CFAP20DC: variants seen among roughly 807,000 people sequenced by gnomAD.
CFAP20DC encodes CFAP20 domain containing, also known as protein CFAP20DC.
In CFAP20DC, 84 loss-of-function variants were observed where a neutral mutation model predicts 101.7. The ratio of observed to expected loss-of-function variants is 0.83; its 90% confidence interval spans 0.69 to 0.99. CFAP20DC has a LOEUF of 0.99. Ranked by LOEUF, CFAP20DC falls within the 50% of genes least tolerant of loss-of-function variation. The pLI is 0.00. For synonymous variants in CFAP20DC, 359 were observed against 351.2 expected, an observed-to-expected ratio of 1.02 and a Z score of -0.25; for missense variants, 1,007 against 970.3, an observed-to-expected ratio of 1.04 and a Z score of -0.50.
intron 15 of CFAP20DC, among the ~76,000 whole-genome samples, chr3:58,786,537 G>A (rs2072352834): frequency 6.6e-6 from 1 of 152,014 alleles, no homozygotes; most frequent in African/African-American, 2.4e-5. Context: ...GTCCCTGTCT[G>A]TCTTGTCCCA....
chr3:58,978,617 G>C (rs2092384941), intron 4 of CFAP20DC, among the ~76,000 whole-genome samples: 1 of 151,394 alleles, frequency 6.6e-6, no homozygotes, highest in African/African-American at 2.4e-5. Context: ...GCTGAGGCAT[G>C]AGAATTGCTT....
chr3:58,867,870 CTGT>C lies in CFAP20DC; in HGVS notation c.1079_1081del (p.Asn360del), dbSNP rs775107395. ...GGTACTTTTTAACCGTAATCTTCTT[CTGT>C]TATTATTCTTATCTGCTGATGGTTC... On this transcript the variant is annotated inframe_deletion, in exon 10 of 17. Transcript: ENST00000482387. 3.7e-6 allele frequency: 6 copies of C among 1,613,604 alleles called. 1 individual carries two copies. The South Asian group carries it at 6.6e-5, about 18-fold the overall frequency.
At chr3:58,943,178 G>A (rs1040415626) in intron 4 of CFAP20DC, among the ~76,000 whole-genome samples, 7 of 152,152 alleles carry the variant, frequency 4.6e-5, no homozygotes, top group East Asian at 1.9e-4. Flanking sequence ...CCTGCCTGCC[G>A]GCTCTGAAGA....
chr3:59,007,186 GC>G lies in CFAP20DC; in HGVS notation c.278+32370del, dbSNP rs1349185268. Among the ~76,000 whole-genome samples the G allele has an allele frequency of 6.6e-6, 1 of 152,062 alleles. No homozygotes were observed. The highest frequency in any genetic ancestry group is 2.4e-5 in the African/African-American group (1 of 41,388). ...AACTCCCCAACAGTGGCTGTGGCAA[GC>G]CCCGCCCCAGGAGAGTCTGAGCTCA... On this transcript the variant is annotated intron_variant, in intron 4 of 16. Coordinates refer to ENST00000482387, the MANE Select transcript of CFAP20DC (RefSeq NM_001394063.1). This position sits in a 1 kb window ranked among gnomAD's most constrained non-coding sequence, Gnocchi z 4.4.
At position 58,864,122 on chromosome 3, in the gene CFAP20DC, C is replaced by A. The variant is rs1056034335; in HGVS notation, c.1259-230G>T. Among the ~76,000 whole-genome samples, 1 of 152,056 alleles carries A rather than the reference C, an allele frequency of 6.6e-6. No homozygotes were observed. Among genetic ancestry groups the A allele is most frequent in the African/African-American group, 2.4e-5 (1 of 41,384 alleles). On this transcript the variant is annotated intron_variant, in intron 11 of 16. Coordinates refer to ENST00000482387, the MANE Select transcript of CFAP20DC (RefSeq NM_001394063.1). This position sits in a 1 kb window ranked among gnomAD's most constrained non-coding sequence, Gnocchi z 4.7. The stretch of plus-strand genomic sequence containing the variant: ...TACAGGTGCACGCCATCATGCCCGG[C>A]TAATTTTTGTATTTTTAGTAGAGAT...
In CFAP20DC at chr3:58,863,601, G is replaced by A. The variant is rs1353174252; in HGVS notation, c.1550C>T (p.Thr517Ile). The change falls in exon 12 of 17, where the codon ACC (threonine) becomes ATC (isoleucine). Residue 517 changes from threonine to isoleucine, a missense_variant. Coordinates refer to ENST00000482387, the MANE Select transcript of CFAP20DC (RefSeq NM_001394063.1). This position sits in a 1 kb window ranked among gnomAD's most constrained non-coding sequence, Gnocchi z 5.9. Reference sequence around the variant, plus strand: ...GCCGTAAAAATCATCCTCTGATTGGGTGTCTCTGCTTGTCACACTGTTATC... The same window carrying A: ...GCCGTAAAAATCATCCTCTGATTGGATGTCTCTGCTTGTCACACTGTTATC... ...KEDNSVTSRD[T>I]QSEDDFYGGD... is the part of the protein sequence containing the mutation. 1 of 1,614,126 alleles carries A rather than the reference G, an allele frequency of 6.2e-7. No individual in the cohort carries two copies. Among genetic ancestry groups the A allele is most frequent in the Non-Finnish European group, 8.5e-7 (1 of 1,180,014 alleles).
At chr3:58,821,499 C>T (rs1412800815) in intron 14 of CFAP20DC, among the ~76,000 whole-genome samples, 1 of 152,006 alleles carries the variant, frequency 6.6e-6, no homozygotes, top group Admixed American at 6.5e-5. Flanking sequence ...TGAACAGACA[C>T]TTCTCAAAAG....
intron 3 of CFAP20DC, among the ~76,000 whole-genome samples, chr3:59,045,383 T>A (rs1044542030): frequency 4.0e-5 from 6 of 151,894 alleles, no homozygotes; most frequent in African/African-American, 1.5e-4. Context: ...AAATGATGAA[T>A]GTAAAAAAAA....
intron 4 of CFAP20DC, among the ~76,000 whole-genome samples, chr3:58,969,366 G>A (rs1371547465): frequency 2.0e-5 from 3 of 152,296 alleles, no homozygotes; most frequent in East Asian, 3.9e-4. Flanking sequence ...GTGGAGAAAT[G>A]AGAATCCTCA....
Position 58,912,852 on chromosome 3 carries a change from G to A in CFAP20DC, c.550+856C>T, listed in dbSNP as rs992757337. The A allele has an allele frequency of 1.7e-5, 7 of 413,638 alleles. No homozygotes were observed. The highest frequency in any genetic ancestry group is 1.4e-4 in the Admixed American group (5 of 34,982). The allele number at this position is 413,638 out of a possible 1,614,324, so 25.6% of individuals were successfully genotyped here. ...TCTTTCCATTTTAACTTGATCACTA[G>A]AAAATTAATATGATTTCTCCCAAAT... On this transcript the variant is annotated intron_variant, in intron 6 of 16. Transcript: ENST00000482387. This position sits in a 1 kb window ranked among gnomAD's most constrained non-coding sequence, Gnocchi z 4.4.
rs1025230385 is a variant in CFAP20DC, at chr3:58,724,807, A to G, written c.198-7179T>C. On this transcript the variant is annotated intron_variant, in intron 3 of 3. Transcript: ENST00000486145. The surrounding 1 kb of genome is among the most constrained non-coding windows in gnomAD (Gnocchi z 5.6). ...GTCGCCACCGGACTTCGGGTACCCT[A>G]CGGGTGGGTGGTGTTGAGGCTGGTC... Among the ~76,000 whole-genome samples, 10 of 151,962 alleles carry G rather than the reference A, an allele frequency of 6.6e-5. No individual in the cohort carries two copies. Among genetic ancestry groups the G allele is most frequent in the Admixed American group, 3.3e-4 (5 of 15,246 alleles).
At position 58,892,429 on chromosome 3, in the gene CFAP20DC, T is replaced by C. The variant is rs2082327064; in HGVS notation, c.551-7720A>G. Among the ~76,000 whole-genome samples the C allele has an allele frequency of 6.6e-6, 1 of 152,232 alleles. No individual in the cohort carries two copies. Among genetic ancestry groups the C allele is most frequent in the Admixed American group, 6.5e-5 (1 of 15,288 alleles). On this transcript the variant is annotated intron_variant, in intron 6 of 16. Transcript: ENST00000482387. This position sits in a 1 kb window ranked among gnomAD's most constrained non-coding sequence, Gnocchi z 4.0. ...AATCTATAAATTACTTTGAGCAGTA[T>C]GGCCATTTTCATGATATTGATTCTT...
At chr3:58,818,495 T>C (rs1007721476) in intron 14 of CFAP20DC, among the ~76,000 whole-genome samples, 6 of 151,432 alleles carry the variant, frequency 4.0e-5, no homozygotes, top group Non-Finnish European at 5.9e-5. Context: ...GCAATCCTAG[T>C]CTCTGATAAA....
In CFAP20DC at chr3:58,794,739, G is replaced by C. The variant is rs532822271; in HGVS notation, c.2237+11656C>G. 3.3e-5 allele frequency among the ~76,000 whole-genome samples: 5 copies of C among 152,278 alleles called. No homozygotes were observed. The South Asian group carries it at 1.0e-3, about 32-fold the overall frequency. On this transcript the variant is annotated intron_variant, in intron 15 of 16. Coordinates refer to ENST00000482387, the MANE Select transcript of CFAP20DC (RefSeq NM_001394063.1). ...TCAGTAGATGCTCCAACTCTCTTTG[G>C]CACTGTTCTGAAGATGCCCACACAC...
intron 12 of CFAP20DC, among the ~76,000 whole-genome samples, chr3:58,852,988 G>A (rs2108350099): frequency 6.6e-6 from 1 of 152,222 alleles, no homozygotes; most frequent in South Asian, 2.1e-4. Flanking sequence ...TAAAATCAGA[G>A]CAGAACTCAA....
chr3:58,958,688 T>C (rs1015864838), intron 4 of CFAP20DC, among the ~76,000 whole-genome samples: 2 of 152,350 alleles, frequency 1.3e-5, no homozygotes, highest in Middle Eastern at 3.4e-3. Context: ...GGCTTTAATT[T>C]ACATTTCTTC....
intron 6 of CFAP20DC, among the ~76,000 whole-genome samples, chr3:58,886,293 G>A (rs1457041243): frequency 2.0e-5 from 3 of 152,090 alleles, no homozygotes; most frequent in Non-Finnish European, 4.4e-5. Flanking sequence ...AGTGTTTCAT[G>A]GGATGAGACA....
intron 4 of CFAP20DC, among the ~76,000 whole-genome samples, chr3:59,012,088 C>T (rs893280310): frequency 3.9e-5 from 6 of 152,074 alleles, no homozygotes; most frequent in Admixed American, 2.0e-4. Flanking sequence ...TTAAGAAAGA[C>T]AGACCTGTAA....
chr3:58,976,120 A>C (rs980093724), intron 4 of CFAP20DC, among the ~76,000 whole-genome samples: 3 of 152,206 alleles, frequency 2.0e-5, no homozygotes, highest in African/African-American at 7.2e-5. Context: ...CATTATTTTT[A>C]AAGGCAGCTG....
Sources: gnomAD v4.1 joint callset for allele counts (sites outside exome capture counted in the v4.1 genomes callset) on GRCh38, gnomAD v4.1.1 for gene constraint, Gnocchi (gnomAD v3.1) non-coding constraint, MANE v1.5 for transcripts, NCBI Gene and HGNC (gene_info 2026-07-23, HGNC 2026-07-21) for gene names.